Variants in SOD2 observed in about 807,000 individuals in gnomAD.
SOD2 encodes the protein superoxide dismutase 2.
SOD2 carries 11 observed loss-of-function variants against 27.0 expected under a neutral mutation model. The observed-to-expected ratio is 0.41, with a 90% CI of 0.26 to 0.67. The LOEUF is 0.67. SOD2 is among the 30% of genes least tolerant of loss of function. SOD2 has a pLI of 0.34. For synonymous variants in SOD2, 105 were observed against 103.0 expected, an observed-to-expected ratio of 1.02 and a Z score of -0.12; for missense variants, 250 against 274.5, an observed-to-expected ratio of 0.91 and a Z score of 0.63.
intron 1 of SOD2, chr6:159,714,101 C>G (rs1777881608): frequency 3.5e-6 from 2 of 570,392 alleles, no homozygotes. Context: ...AGCAGAACTA[C>G]TTCTGCTCAC....
rs1291409901 is a variant in SOD2 at position 159,722,332 on chromosome 6, C to T, written c.-116+4797G>A. ...CCAGGAGGTCAAGACTGCAGTGAGCCATGTTTGTGCCACTGCACTCCAGCC... is the reference window on the plus strand; with the variant it reads ...CCAGGAGGTCAAGACTGCAGTGAGCTATGTTTGTGCCACTGCACTCCAGCC... On this transcript the variant is annotated intron_variant, in intron 1 of 2. Coordinates refer to the SOD2 transcript ENST00000401980. Among the ~76,000 whole-genome samples the T allele has an allele frequency of 3.9e-5, 6 of 152,162 alleles. No individual in the cohort carries two copies. The East Asian group carries it at 1.2e-3, about 29-fold the overall frequency.
chr6:159,733,203 A>G (rs980125235), intron 1 of SOD2, among the ~76,000 whole-genome samples: 32 of 152,346 alleles, frequency 2.1e-4, no homozygotes, highest in African/African-American at 6.7e-4. Context: ...TTTATATCAT[A>G]GTAATATGGT....
At chr6:159,729,563 T>C (rs552635599), upstream of SOD2, among the ~76,000 whole-genome samples, 1 of 140,540 alleles carries the variant, frequency 7.1e-6, no homozygotes, top group South Asian at 2.3e-4. Context: ...ATTATGTTCA[T>C]ATTTTATTTG....
At chr6:159,758,215 C>G (rs1403315893) in intron 1 of SOD2, among the ~76,000 whole-genome samples, 2 of 151,772 alleles carry the variant, frequency 1.3e-5, no homozygotes, top group African/African-American at 2.4e-5. Flanking sequence ...TTTTTCTCCC[C>G]TGTAAGAGCA....
At chr6:159,726,559 G>C in intron 1 of SOD2, 2 of 343,782 alleles carry the variant, frequency 5.8e-6, no homozygotes, top group South Asian at 4.4e-5. Flanking sequence ...CGTTCTCCAG[G>C]TAACACCGCC....
chr6:159,762,123 G>A (rs1441795430), exon 1 of SOD2: 1 of 1,612,692 alleles, frequency 6.2e-7, no homozygotes, highest in South Asian at 1.1e-5. Context: ...TCATCGTCTC[G>A]GCGGCGCGGA....
intron 1 of SOD2, among the ~76,000 whole-genome samples, chr6:159,740,885 G>T (rs1410302842): frequency 4.6e-5 from 7 of 151,876 alleles, no homozygotes; most frequent in Admixed American, 4.6e-4. Context: ...TGTATTTTCA[G>T]TAGAGACGGG....
intron 1 of SOD2, among the ~76,000 whole-genome samples, chr6:159,732,628 A>C (rs892250939): frequency 2.0e-5 from 3 of 152,172 alleles, no homozygotes; most frequent in Non-Finnish European, 2.9e-5. Flanking sequence ...TGAGGTGAGG[A>C]GTTCGAGACC....
chr6:159,689,665 G>C (rs559502617), intron 2 of SOD2, among the ~76,000 whole-genome samples: 68 of 152,282 alleles, frequency 4.5e-4, no homozygotes, highest in African/African-American at 1.6e-3. Context: ...TGTACGTTAA[G>C]AACATATGTC....
At chr6:159,721,675 CTTTTTTTTT>C (rs55950207) in intron 1 of SOD2, among the ~76,000 whole-genome samples, 1 of 82,206 alleles carries the variant, frequency 1.2e-5, no homozygotes, top group Non-Finnish European at 2.1e-5. Context: ...TGCGGCTGAC[CTTTTTTTTT>C]TTTTTTTTTT....
intron 1 of SOD2, among the ~76,000 whole-genome samples, chr6:159,718,336 G>A (rs959308906): frequency 6.6e-6 from 1 of 152,104 alleles, no homozygotes; most frequent in Non-Finnish European, 1.5e-5. Flanking sequence ...ATCTGTTGAT[G>A]GACACTTAGG....
At chr6:159,730,154 A>C (rs1778479833), upstream of SOD2, among the ~76,000 whole-genome samples, 1 of 152,224 alleles carries the variant, frequency 6.6e-6, no homozygotes. Flanking sequence ...TAGCTGTTTT[A>C]ATCACCTAAT....
chr6:159,688,026 C>CAA, intron 3 of SOD2, 100 bp downstream of exon 3: 1 of 756,268 alleles, frequency 1.3e-6, no homozygotes, highest in Non-Finnish European at 2.3e-6. Context: ...AAAACAACAA[C>CAA]AAAAAAAACA....
At chr6:159,743,748 G>T in intron 1 of SOD2, 1 of 1,613,226 alleles carries the variant, frequency 6.2e-7, no homozygotes. Flanking sequence ...AAACATCCTT[G>T]TAATGCGACT....
chr6:159,685,745 C>T lies in SOD2; in HGVS notation c.344-712G>A, dbSNP rs1370331345. 5.9e-5 allele frequency among the ~76,000 whole-genome samples: 9 copies of T among 151,756 alleles called. 1 individual carries two copies. The South Asian group carries it at 1.7e-3, about 28-fold the overall frequency. ...GCCATTTTTATATCCATAAGTACTC[C>T]ATGTTTAGCTTCCACTTGCAAGTGA... On this transcript the variant is annotated intron_variant, in intron 3 of 4. Coordinates refer to ENST00000538183, the MANE Select transcript of SOD2 (RefSeq NM_000636.4).
intron 1 of SOD2, chr6:159,755,649 T>A: frequency 6.5e-7 from 1 of 1,530,570 alleles, no homozygotes; most frequent in Non-Finnish European, 8.8e-7. Context: ...GTCATTTAAT[T>A]TGGGAGAGGA....
intron 1 of SOD2, 76 bp downstream of exon 1, chr6:159,693,069 G>A (rs1270613490): frequency 3.6e-5 from 54 of 1,504,136 alleles, no homozygotes; most frequent in Non-Finnish European, 4.8e-5. Context: ...GGCCACTGTC[G>A]CCATTGCCGC....
At position 159,679,015 on chromosome 6, in the gene SOD2, T is replaced by C. The variant is rs577407871; in HGVS notation, c.*3478A>G. The C allele has an allele frequency of 1.3e-5, 2 of 152,360 alleles. No individual in the cohort carries two copies. The highest frequency in any genetic ancestry group is 4.8e-5 in the African/African-American group (2 of 41,586). 9.4% of individuals were successfully genotyped at this position (152,360 alleles called of 1,614,324 possible). A position where few individuals can be genotyped will look rare whatever the true frequency, so the allele number is the denominator to read the frequency against. On this transcript the variant is annotated 3_prime_UTR_variant, in exon 5 of 5. Transcript: ENST00000538183. ...TTGGTCTTAAGAGTAATATTTCAAC[T>C]ACCCATTATTTACTATTCCTTTCCC...
At chr6:159,703,099 G>GA (rs1373393088) in intron 1 of SOD2, among the ~76,000 whole-genome samples, 4 of 152,166 alleles carry the variant, frequency 2.6e-5, no homozygotes, top group African/African-American at 9.7e-5. Flanking sequence ...CAGATCACCT[G>GA]AGGTTGGGAG....
Sources: gnomAD v4.1 joint callset for allele counts (sites outside exome capture counted in the v4.1 genomes callset) on GRCh38, gnomAD v4.1.1 for gene constraint, MANE v1.5 for transcripts, NCBI Gene and HGNC (gene_info 2026-07-23, HGNC 2026-07-21) for gene names.